Variants in SGK3 observed in about 807,000 individuals in gnomAD.
SGK3 encodes serum/glucocorticoid regulated kinase family member 3, also known as serine/threonine-protein kinase Sgk3.
Under a neutral mutation model 68.5 loss-of-function variants are expected in SGK3, and 47 were observed. The ratio of observed to expected loss-of-function variants is 0.69; its 90% CI spans 0.54 to 0.87. SGK3 has a LOEUF of 0.87. SGK3 is among the 40% of genes least tolerant of loss of function. The probability of loss-of-function intolerance (pLI) is 0.00; values close to 1 mark genes in which losing one functional copy is unlikely to be tolerated. For missense variants in SGK3, 479 were observed against 575.5 expected (o/e 0.83, Z 1.72); for synonymous variants, 181 against 189.1 (o/e 0.96, Z 0.35).
rs186057061 is a variant in SGK3, at chr8:66,856,486, T to C, written c.1321-2925T>C. On this transcript the variant is annotated intron_variant, in intron 16 of 16. Transcript: ENST00000521198. ...TGGATTTTTGGATTTACTTACTGAT[T>C]GAGCATCCCATATCTGAAAATCTGA... 3.7e-3 allele frequency among the ~76,000 whole-genome samples: 566 copies of C among 152,330 alleles called. 8 individuals carry two copies. The highest frequency in any genetic ancestry group is 2.9e-3 in the Non-Finnish European group (195 of 68,028).
At chr8:66,792,663 G>A (rs1275248256) in intron 1 of SGK3, among the ~76,000 whole-genome samples, 1 of 152,076 alleles carries the variant, frequency 6.6e-6, no homozygotes, top group East Asian at 1.9e-4. Context: ...AGGAATGCTT[G>A]AGCCCAGGAG....
At chr8:66,743,748 C>T (rs1196462732) in intron 1 of SGK3, among the ~76,000 whole-genome samples, 3 of 152,238 alleles carry the variant, frequency 2.0e-5, no homozygotes, top group South Asian at 2.1e-4. Context: ...TCTCGAACTC[C>T]GGATCTCACT....
At chr8:66,840,957 AAT>A in intron 12 of SGK3, 65 bp from the exon 13 acceptor site, 5 of 1,287,740 alleles carry the variant, frequency 3.9e-6, no homozygotes, top group East Asian at 2.6e-5. Context: ...AAAAAAAAAA[AAT>A]TAACTGAAAA....
At position 66,840,259 on chromosome 8, in the gene SGK3, CTT is replaced by C. The variant is rs1809745832; in HGVS notation, c.891+15_891+16del. 1 of 1,559,950 alleles carries C rather than the reference CTT, an allele frequency of 6.4e-7. No homozygotes were observed. Among genetic ancestry groups the C allele is most frequent in the East Asian group, 2.3e-5 (1 of 44,136 alleles). ...TTTTGGATTCAGTAGTAAGTATTCT[CTT>C]TTAAAAATCTACTAGTTCTCAATTT... is the stretch of plus-strand genomic sequence containing the variant. On this transcript the variant is annotated intron_variant, in intron 12 of 16. Coordinates refer to ENST00000521198, the MANE Select transcript of SGK3 (RefSeq NM_001033578.3).
chr8:66,776,456 C>T (rs771412364), intron 1 of SGK3, among the ~76,000 whole-genome samples: 8 of 152,088 alleles, frequency 5.3e-5, no homozygotes, highest in Non-Finnish European at 1.2e-4. Context: ...CCAGAGCACC[C>T]CCAATACATA....
intron 10 of SGK3, 106 bp from the exon 11 acceptor site, chr8:66,839,897 C>T (rs1366637570): frequency 1.0e-5 from 11 of 1,085,542 alleles, no homozygotes; most frequent in Non-Finnish European, 1.2e-5. Flanking sequence ...TTCAAAGTAA[C>T]AAAGAACAAT....
intron 16 of SGK3, 22 bp downstream of exon 16, chr8:66,850,942 T>G: frequency 6.3e-7 from 1 of 1,584,092 alleles, no homozygotes; most frequent in African/African-American, 1.4e-5. Flanking sequence ...TCCAAATCTT[T>G]CTTTCTAGAA....
chr8:66,762,656 A>G (rs1013789087), intron 1 of SGK3, among the ~76,000 whole-genome samples: 16 of 152,026 alleles, frequency 1.1e-4, no homozygotes, highest in Admixed American at 7.2e-4. Flanking sequence ...TAATTTTTTT[A>G]GTTGTTTAGT....
intron 5 of SGK3, among the ~76,000 whole-genome samples, chr8:66,820,539 A>G (rs776002134): frequency 2.0e-5 from 3 of 152,080 alleles, no homozygotes; most frequent in Non-Finnish European, 4.4e-5. Flanking sequence ...TTATGTGAAC[A>G]TATGTTTTTA....
Position 66,805,519 on chromosome 8 carries a change from C to CAAA in SGK3, c.253+1088_253+1090dup, listed in dbSNP as rs566639848. ...TGGGCGACAGAGCGAGACTTCATCT[C>CAAA]AAAAAAAAAAAAAAAAAAGAGAGAG... On this transcript the variant is annotated intron_variant, in intron 4 of 16. Coordinates refer to ENST00000521198, the MANE Select transcript of SGK3 (RefSeq NM_001033578.3). 2.7e-3 allele frequency among the ~76,000 whole-genome samples: 182 copies of CAAA among 67,554 alleles called. 2 individuals carry two copies. Among genetic ancestry groups the CAAA allele is most frequent in the African/African-American group, 8.6e-3 (172 of 19,894 alleles). The allele number at this position is 67,554 out of a possible 152,430, so 44.3% of individuals were successfully genotyped here.
intron 1 of SGK3, among the ~76,000 whole-genome samples, chr8:66,744,749 AC>A (rs1223529280): frequency 6.8e-6 from 1 of 147,092 alleles, no homozygotes; most frequent in Non-Finnish European, 1.5e-5. Flanking sequence ...TAAATGATCC[AC>A]CCGCCTTGGC....
Position 66,793,825 on chromosome 8 carries a change from G to T in SGK3, c.89G>T (p.Arg30Met), listed in dbSNP as rs777299349. The change falls in exon 2 of 17, where the codon AGG becomes ATG. Residue 30 changes from arginine (R) to methionine (M), a missense_variant. By Grantham distance (91) the Arg-to-Met change is moderately conservative. Transcript: ENST00000521198. ...SSDEHREKKK[R>M]FTVYKVLVSV... ...GATGAACACAGAGAGAAAAAGAAGAGGTTTACTGTAAGTATTTAACATAAA... is the reference window on the plus strand; with the variant it reads ...GATGAACACAGAGAGAAAAAGAAGATGTTTACTGTAAGTATTTAACATAAA... The T allele has an allele frequency of 2.5e-6, 4 of 1,611,762 alleles. No individual in the cohort carries two copies. The highest frequency in any genetic ancestry group is 8.5e-7 in the Non-Finnish European group (1 of 1,178,742).
chr8:66,713,335 T>TA (rs1321295576), intron 1 of SGK3, among the ~76,000 whole-genome samples: 3 of 152,246 alleles, frequency 2.0e-5, no homozygotes, highest in Admixed American at 6.5e-5. Context: ...CTCACAGTTT[T>TA]AGCTTTGGAA....
chr8:66,736,681 G>A lies in SGK3; in HGVS notation c.-122+23848G>A, dbSNP rs182954448. On this transcript the variant is annotated intron_variant, in intron 1 of 16. Coordinates refer to ENST00000521198, the MANE Select transcript of SGK3 (RefSeq NM_001033578.3). ...ATTGCCAAGGCTGGAGTGCAATGGC[G>A]CAATCTCAGCTCACCACAACCTCTG... Among the ~76,000 whole-genome samples, 1,331 of 150,904 alleles carry A rather than the reference G, an allele frequency of 8.8e-3. 15 individuals are homozygous for A. Among genetic ancestry groups the A allele is most frequent in the South Asian group, 0.019 (89 of 4,776 alleles).
At chr8:66,799,166 T>G (rs1239520099) in intron 3 of SGK3, among the ~76,000 whole-genome samples, 1 of 152,230 alleles carries the variant, frequency 6.6e-6, no homozygotes, top group African/African-American at 2.4e-5. Context: ...TTTTATATTT[T>G]CATAACTCAG....
chr8:66,735,058 T>C (rs1805279783), intron 1 of SGK3, among the ~76,000 whole-genome samples: 1 of 152,206 alleles, frequency 6.6e-6, no homozygotes, highest in African/African-American at 2.4e-5. Context: ...TATTATCAGT[T>C]ATTGTTAATC....
intron 3 of SGK3, among the ~76,000 whole-genome samples, chr8:66,800,969 A>G (rs572064024): frequency 7.2e-5 from 11 of 152,324 alleles, no homozygotes; most frequent in African/African-American, 2.4e-4. Flanking sequence ...ACCCTGTCTC[A>G]AAACAAAAAC....
At chr8:66,837,410 A>G (rs1217304893) in intron 10 of SGK3, among the ~76,000 whole-genome samples, 1 of 152,232 alleles carries the variant, frequency 6.6e-6, no homozygotes, top group Non-Finnish European at 1.5e-5. Context: ...AAACCGAAAG[A>G]TGGTCAGACA....
rs961669756 is a variant in SGK3 at position 66,861,193 on chromosome 8, A to G, written c.*1612A>G. On this transcript the variant is annotated 3_prime_UTR_variant, in exon 17 of 17. Coordinates refer to ENST00000521198, the MANE Select transcript of SGK3 (RefSeq NM_001033578.3). ...TATACAGTTTTATTACAATGTAACAAAAGTTGAAAATCAGGCAGATGTGTA... is the reference window on the plus strand; with the variant it reads ...TATACAGTTTTATTACAATGTAACAGAAGTTGAAAATCAGGCAGATGTGTA... The G allele has an allele frequency of 6.6e-6, 1 of 152,250 alleles. No individual in the cohort carries two copies. The highest frequency in any genetic ancestry group is 1.5e-5 in the Non-Finnish European group (1 of 68,044). 9.4% of individuals were successfully genotyped at this position (152,250 alleles called of 1,614,324 possible). A position where few individuals can be genotyped will look rare whatever the true frequency, so the allele number is the denominator to read the frequency against.
Sources: allele counts gnomAD v4.1 joint callset (sites outside exome capture counted in the v4.1 genomes callset), GRCh38; gene constraint gnomAD v4.1.1; transcripts MANE v1.5; gene names NCBI Gene and HGNC (gene_info 2026-07-23, HGNC 2026-07-21).